SFMBT2: variants seen among roughly 807,000 people sequenced by gnomAD.
The protein encoded by SFMBT2 is scm-like with four MBT domains protein 2.
SFMBT2 carries 38 observed loss-of-function variants against 110.1 expected under a neutral mutation model. The ratio of observed to expected loss-of-function variants is 0.35; its 90% CI spans 0.27 to 0.45. The LOEUF is 0.45. SFMBT2 is among the 20% of genes least tolerant of loss of function. The pLI is 1.00. For missense variants in SFMBT2, 1,011 were observed against 1,094.9 expected, an observed-to-expected ratio of 0.92 and a Z score of 1.08; for synonymous variants, 425 against 425.4, an observed-to-expected ratio of 1.00 and a Z score of 0.01.
At chr10:7,350,902 T>A (rs1183764759) in intron 4 of SFMBT2, among the ~76,000 whole-genome samples, 1 of 152,194 alleles carries the variant, frequency 6.6e-6, no homozygotes, top group Non-Finnish European at 1.5e-5. Flanking sequence ...GGCTGGCAAT[T>A]CCCTTGGTAG....
At chr10:7,328,339 A>C (rs1225271318) in intron 4 of SFMBT2, among the ~76,000 whole-genome samples, 2 of 152,154 alleles carry the variant, frequency 1.3e-5, no homozygotes, top group Non-Finnish European at 2.9e-5. Flanking sequence ...GTTGAGTTTT[A>C]AGAGTCCATT....
intron 11 of SFMBT2, among the ~76,000 whole-genome samples, chr10:7,216,306 G>A (rs748165724): frequency 2.0e-5 from 3 of 152,342 alleles, no homozygotes; most frequent in Middle Eastern, 3.4e-3. Flanking sequence ...CCTGGTGGGA[G>A]ATAACTGAAT....
rs188948172 is a variant in SFMBT2 at position 7,330,962 on chromosome 10, T to C, written c.436+36687A>G. Among the ~76,000 whole-genome samples the C allele has an allele frequency of 1.4e-3, 220 of 152,356 alleles. 1 individual carries two copies. Among genetic ancestry groups the C allele is most frequent in the Non-Finnish European group, 1.7e-3 (119 of 68,028 alleles). Reference sequence around the variant, plus strand: ...TGCGGTCATCTTCAAGCCCAGCTACTGTCCAGCTCCAAGGCAGGTCAGGAC... The same window carrying C: ...TGCGGTCATCTTCAAGCCCAGCTACCGTCCAGCTCCAAGGCAGGTCAGGAC... On this transcript the variant is annotated intron_variant, in intron 4 of 20. Transcript: ENST00000397167.
chr10:7,185,295 C>T (rs1423804533), intron 16 of SFMBT2, among the ~76,000 whole-genome samples: 1 of 152,224 alleles, frequency 6.6e-6, no homozygotes, highest in East Asian at 1.9e-4. Context: ...CAGCAAACTA[C>T]ATACACTTGC....
chr10:7,402,206 T>C (rs1188135041), intron 1 of SFMBT2, among the ~76,000 whole-genome samples: 1 of 152,050 alleles, frequency 6.6e-6, no homozygotes, highest in Non-Finnish European at 1.5e-5. Context: ...ATGCTTCCTC[T>C]ATAGTTGTGA....
At chr10:7,400,757 C>A (rs1189037050) in intron 1 of SFMBT2, among the ~76,000 whole-genome samples, 4 of 152,246 alleles carry the variant, frequency 2.6e-5, no homozygotes, top group Admixed American at 2.6e-4. Context: ...GCCTCCTCTG[C>A]TGCCTCCTCC....
intron 4 of SFMBT2, among the ~76,000 whole-genome samples, chr10:7,328,594 T>A (rs1843467000): frequency 6.6e-6 from 1 of 152,246 alleles, no homozygotes; most frequent in Non-Finnish European, 1.5e-5. Flanking sequence ...TACATCTAGA[T>A]CTATAATCTG....
At chr10:7,372,403 A>G (rs768629461) in intron 2 of SFMBT2, among the ~76,000 whole-genome samples, 34 of 152,254 alleles carry the variant, frequency 2.2e-4, no homozygotes, top group Non-Finnish European at 4.1e-4. Context: ...GCTTCAATAA[A>G]GTGACTTACA....
At chr10:7,378,145 T>G (rs1180760823) in intron 2 of SFMBT2, among the ~76,000 whole-genome samples, 2 of 137,808 alleles carry the variant, frequency 1.5e-5, no homozygotes, top group African/African-American at 2.8e-5. Flanking sequence ...TGTGAGTGTA[T>G]GGATGGGTGG....
chr10:7,241,311 T>C, intron 9 of SFMBT2: 1 of 980,864 alleles, frequency 1.0e-6, no homozygotes, highest in Non-Finnish European at 1.2e-6. Context: ...GAACTAATGA[T>C]ATTTACCACT....
intron 11 of SFMBT2, chr10:7,215,704 G>A: frequency 1.0e-6 from 1 of 985,448 alleles, no homozygotes; most frequent in Non-Finnish European, 1.2e-6. Context: ...AGGGCGGCTG[G>A]CCGATGAATT....
At chr10:7,169,127 TA>T (rs765246951) in intron 20 of SFMBT2, among the ~76,000 whole-genome samples, 4 of 152,112 alleles carry the variant, frequency 2.6e-5, no homozygotes, top group East Asian at 1.9e-4. Flanking sequence ...CACGCCCAGC[TA>T]ATTTTTTTTT....
In SFMBT2 at chr10:7,171,663, C is replaced by T. The variant is rs1442621767; in HGVS notation, c.2415+232G>A. 1.3e-5 allele frequency: 11 copies of T among 830,684 alleles called. No homozygotes were observed. The South Asian group carries it at 2.8e-4, about 21-fold the overall frequency. 51.5% of individuals were successfully genotyped at this position (830,684 alleles called of 1,614,324 possible). A position where few individuals can be genotyped will look rare whatever the true frequency, so the allele number is the denominator to read the frequency against. ...ACAAGAACCCAGGTGGCACTAAAGC[C>T]GTCCAGGAAAGAGGCGCTGTCTCCA... On this transcript the variant is annotated intron_variant, in intron 19 of 20. Transcript: ENST00000397167. This position sits in a 1 kb window ranked among gnomAD's most constrained non-coding sequence, Gnocchi z 4.9.
At chr10:7,347,760 T>C (rs1450865178) in intron 4 of SFMBT2, among the ~76,000 whole-genome samples, 1 of 152,156 alleles carries the variant, frequency 6.6e-6, no homozygotes, top group Non-Finnish European at 1.5e-5. Flanking sequence ...TGTACTTTGA[T>C]GAGGAAGGGC....
chr10:7,213,660 G>A (rs1335176370), intron 11 of SFMBT2, among the ~76,000 whole-genome samples: 1 of 152,216 alleles, frequency 6.6e-6, no homozygotes, highest in Non-Finnish European at 1.5e-5. Context: ...TTTTGCAGGG[G>A]ATGGAAAGGG....
chr10:7,270,405 C>G (rs1471455340), intron 7 of SFMBT2, among the ~76,000 whole-genome samples: 3 of 152,184 alleles, frequency 2.0e-5, no homozygotes, highest in Non-Finnish European at 2.9e-5. Flanking sequence ...GTGACAGTAG[C>G]CTTTGCAAAC....
chr10:7,320,649 T>C, intron 4 of SFMBT2: 1 of 959,464 alleles, frequency 1.0e-6, no homozygotes, highest in Non-Finnish European at 1.2e-6. Flanking sequence ...GGAGGTTAAG[T>C]AATAGGAAGC....
chr10:7,267,710 T>C (rs10508327), intron 7 of SFMBT2, among the ~76,000 whole-genome samples: 11,472 of 152,298 alleles, frequency 0.075, 471 homozygotes, highest in Admixed American at 0.093. Flanking sequence ...GGCAAATCTC[T>C]GAGTAGCTCA....
chr10:7,281,667 G>C (rs1841952298), intron 6 of SFMBT2, among the ~76,000 whole-genome samples: 1 of 152,164 alleles, frequency 6.6e-6, no homozygotes, highest in African/African-American at 2.4e-5. Context: ...CTGTTCTGCT[G>C]AATGATGTAG....
Sources: gnomAD v4.1 joint callset for allele counts (sites outside exome capture counted in the v4.1 genomes callset) on GRCh38, gnomAD v4.1.1 for gene constraint, Gnocchi (gnomAD v3.1) non-coding constraint, MANE v1.5 for transcripts, NCBI Gene and HGNC (gene_info 2026-07-23, HGNC 2026-07-21) for gene names.